SPOCK3: variants seen among roughly 807,000 people sequenced by gnomAD.
SPOCK3 encodes the protein testican-3.
In SPOCK3, 30 loss-of-function variants were observed where a neutral mutation model predicts 56.6. The ratio of observed to expected loss-of-function variants is 0.53; its 90% CI spans 0.40 to 0.72. The LOEUF is 0.72. Ranked by LOEUF, SPOCK3 falls within the 30% of genes least tolerant of loss-of-function variation. The pLI, the probability that SPOCK3 is intolerant of heterozygous loss-of-function variation, is 0.00. For synonymous variants in SPOCK3, 196 were observed against 183.3 expected (o/e 1.07, Z -0.56); for missense variants, 527 against 530.0 (o/e 0.99, Z 0.06).
At chr4:166,737,041 T>C (rs1353488902) in intron 10 of SPOCK3, among the ~76,000 whole-genome samples, 4 of 152,144 alleles carry the variant, frequency 2.6e-5, no homozygotes, top group African/African-American at 9.7e-5. Flanking sequence ...AAAAGGTTTG[T>C]ATTTCTTTGG....
intron 2 of SPOCK3, among the ~76,000 whole-genome samples, chr4:167,218,026 A>G (rs530673830): frequency 6.6e-6 from 1 of 152,186 alleles, no homozygotes; most frequent in African/African-American, 2.4e-5. Context: ...TTAAGTTATG[A>G]AAGTCCAATA....
At position 167,123,740 on chromosome 4, in the gene SPOCK3, CTT is replaced by C. The variant is rs901846399; in HGVS notation, c.190-61205_190-61204del. On this transcript the variant is annotated intron_variant, in intron 2 of 10. Coordinates refer to ENST00000357545, the MANE Select transcript of SPOCK3 (RefSeq NM_001040159.2). ...ACAGCTCCAACAAGACATTTCTTTTCTTTTTTTTTTTTTTTTTTTTTAAGACT... is the reference window on the plus strand; with the variant it reads ...ACAGCTCCAACAAGACATTTCTTTTCTTTTTTTTTTTTTTTTTTTAAGACT... 4.9e-4 allele frequency among the ~76,000 whole-genome samples: 58 copies of C among 118,334 alleles called. 1 individual carries two copies. The highest frequency in any genetic ancestry group is 4.8e-3 in the Middle Eastern group (1 of 210). 77.6% of individuals were successfully genotyped at this position (118,334 alleles called of 152,430 possible).
At chr4:166,779,925 G>A (rs907414725) in intron 7 of SPOCK3, among the ~76,000 whole-genome samples, 9 of 151,940 alleles carry the variant, frequency 5.9e-5, no homozygotes, top group Non-Finnish European at 1.0e-4. Flanking sequence ...AAATTTTAGA[G>A]ACCAAAAATG....
intron 2 of SPOCK3, among the ~76,000 whole-genome samples, chr4:167,215,835 G>A (rs1431081017): frequency 6.6e-6 from 1 of 152,148 alleles, no homozygotes; most frequent in Non-Finnish European, 1.5e-5. Flanking sequence ...CACCATCCAT[G>A]ATTTGGCCTT....
intron 6 of SPOCK3, among the ~76,000 whole-genome samples, chr4:166,874,835 G>C (rs545287228): frequency 9.2e-5 from 14 of 152,290 alleles, no homozygotes; most frequent in African/African-American, 3.4e-4. Context: ...AATCCCTAAA[G>C]TAGTAGAATT....
chr4:166,793,965 T>A (rs1247387530), intron 6 of SPOCK3, among the ~76,000 whole-genome samples: 1 of 151,884 alleles, frequency 6.6e-6, no homozygotes, highest in African/African-American at 2.4e-5. Context: ...TCACAAGAAC[T>A]AATGGAAGAG....
chr4:167,151,536 G>A (rs1019129529), intron 2 of SPOCK3, among the ~76,000 whole-genome samples: 6 of 150,188 alleles, frequency 4.0e-5, no homozygotes, highest in Non-Finnish European at 7.4e-5. Context: ...CCAGGTTCAC[G>A]CCATTCTCCT....
intron 4 of SPOCK3, among the ~76,000 whole-genome samples, chr4:166,941,965 T>G (rs1741115562): frequency 1.3e-5 from 2 of 152,152 alleles, no homozygotes; most frequent in Admixed American, 1.3e-4. Flanking sequence ...GACATCTGAC[T>G]CATAGAAACT....
chr4:167,184,266 A>G (rs931844350), intron 2 of SPOCK3, among the ~76,000 whole-genome samples: 1 of 152,208 alleles, frequency 6.6e-6, no homozygotes, highest in African/African-American at 2.4e-5. Flanking sequence ...AATTTAATCA[A>G]GAAACAGCCA....
intron 8 of SPOCK3, among the ~76,000 whole-genome samples, chr4:166,743,702 A>T (rs1242644053): frequency 2.0e-5 from 3 of 152,196 alleles, no homozygotes; most frequent in Middle Eastern, 3.2e-3. Context: ...TCCCTTTCCC[A>T]GCCAAGGGAA....
intron 6 of SPOCK3, among the ~76,000 whole-genome samples, chr4:166,838,437 T>C (rs1579374022): frequency 1.3e-5 from 2 of 152,038 alleles, no homozygotes; most frequent in East Asian, 3.9e-4. Context: ...TCACTGATTA[T>C]TTTTTCCTTT....
chr4:167,182,718 AGTGGAG>A (rs1039663829), intron 2 of SPOCK3, among the ~76,000 whole-genome samples: 1 of 151,992 alleles, frequency 6.6e-6, no homozygotes, highest in African/African-American at 2.4e-5. Flanking sequence ...TTGTATTTTT[AGTGGAG>A]ACAGGGTTTC....
At chr4:167,092,756 C>T (rs1758810174) in intron 2 of SPOCK3, among the ~76,000 whole-genome samples, 2 of 151,926 alleles carry the variant, frequency 1.3e-5, no homozygotes, top group African/African-American at 2.4e-5. Context: ...GTAAAATGTC[C>T]AACAGTGAAG....
chr4:166,940,365 C>T (rs1471011207), intron 4 of SPOCK3, among the ~76,000 whole-genome samples: 2 of 152,152 alleles, frequency 1.3e-5, no homozygotes, highest in African/African-American at 4.8e-5. Context: ...GACAGAGAAA[C>T]TGACCATTCT....
rs369983824 is a variant in SPOCK3, at chr4:166,738,091, G to A, written c.995-487C>T. Reference sequence around the variant, plus strand: ...ATGTGTTTTTCCCAAATTCAATGCTGTTTTGTCTCTTTACACATTATGTCG... The same window carrying A: ...ATGTGTTTTTCCCAAATTCAATGCTATTTTGTCTCTTTACACATTATGTCG... On this transcript the variant is annotated intron_variant, in intron 9 of 10. Transcript: ENST00000357545. Among the ~76,000 whole-genome samples the A allele has an allele frequency of 3.9e-5, 6 of 152,230 alleles. 1 individual carries two copies. Among genetic ancestry groups the A allele is most frequent in the South Asian group, 4.1e-4 (2 of 4,828 alleles).
intron 2 of SPOCK3, among the ~76,000 whole-genome samples, chr4:167,133,860 T>A (rs879903908): frequency 9.9e-5 from 15 of 152,092 alleles, no homozygotes; most frequent in Admixed American, 9.8e-4. Flanking sequence ...TAAATTGCTA[T>A]AAAAATCACT....
At chr4:167,018,711 T>C (rs1226318182) in intron 3 of SPOCK3, among the ~76,000 whole-genome samples, 1 of 152,056 alleles carries the variant, frequency 6.6e-6, no homozygotes, top group East Asian at 1.9e-4. Flanking sequence ...CAATATCTTA[T>C]TATCTATCCT....
intron 6 of SPOCK3, among the ~76,000 whole-genome samples, chr4:166,794,467 TGAGA>T (rs1454354893): frequency 6.6e-6 from 1 of 152,084 alleles, no homozygotes; most frequent in Non-Finnish European, 1.5e-5. Flanking sequence ...GAAAGTGGTG[TGAGA>T]GAGTTTTATT....
At chr4:166,897,264 A>G (rs527966847) in intron 5 of SPOCK3, among the ~76,000 whole-genome samples, 31 of 152,176 alleles carry the variant, frequency 2.0e-4, no homozygotes, top group African/African-American at 7.5e-4. Context: ...GTTGGGGGAC[A>G]AGTACCCGAT....
Sources: gnomAD v4.1 joint callset for allele counts (sites outside exome capture counted in the v4.1 genomes callset) on GRCh38, gnomAD v4.1.1 for gene constraint, MANE v1.5 for transcripts, NCBI Gene and HGNC (gene_info 2026-07-23, HGNC 2026-07-21) for gene names.